AKAP13: variants seen among roughly 807,000 people sequenced by gnomAD.
AKAP13 encodes A-kinase anchoring protein 13.
A neutral mutation model predicts 264.5 loss-of-function variants in AKAP13; 80 were observed. The observed-to-expected ratio is 0.30, with a 90% confidence interval of 0.25 to 0.36. AKAP13 has a LOEUF of 0.36. AKAP13 is among the 10% of genes least tolerant of loss of function. AKAP13 has a pLI of 1.00. For missense variants in AKAP13, 3,712 were observed against 3,435.2 expected (o/e 1.08, Z -2.01); for synonymous variants, 1,380 against 1,250.2 (o/e 1.10, Z -2.19).
chr15:85,494,231 C>T (rs1342709675), intron 2 of AKAP13, among the ~76,000 whole-genome samples: 1 of 152,168 alleles, frequency 6.6e-6, no homozygotes, highest in Non-Finnish European at 1.5e-5. Flanking sequence ...CCTACTGGAT[C>T]TAGCAACCTA....
intron 3 of AKAP13, among the ~76,000 whole-genome samples, chr15:85,522,589 G>A (rs546848294): frequency 1.2e-4 from 18 of 152,224 alleles, no homozygotes; most frequent in African/African-American, 3.6e-4. Context: ...GTTTGTACCA[G>A]ATCCTTGTAC....
rs566378801 is a variant in AKAP13, at chr15:85,473,922, C to G, written c.-11-11788C>G. Among the ~76,000 whole-genome samples, 5 of 152,290 alleles carry G rather than the reference C, an allele frequency of 3.3e-5. No individual in the cohort carries two copies. In the East Asian group the frequency reaches 9.6e-4, roughly 29 times the overall value. On this transcript the variant is annotated intron_variant, in intron 1 of 36. Coordinates refer to ENST00000394518, the MANE Select transcript of AKAP13 (RefSeq NM_007200.5). ...TAATCCAGTAAACAGGCATACCTGA[C>G]TTGGGATAAGCAACAAGAAAAAAAT...
chr15:85,562,523 C>CCACT (rs1761657096), intron 5 of AKAP13, among the ~76,000 whole-genome samples: 1 of 139,228 alleles, frequency 7.2e-6, no homozygotes, highest in African/African-American at 2.7e-5. Context: ...TGAGATCGTG[C>CCACT]CACTGCACTC....
chr15:85,593,627 A>T (rs1826884806), intron 8 of AKAP13, among the ~76,000 whole-genome samples: 1 of 151,514 alleles, frequency 6.6e-6, no homozygotes, highest in African/African-American at 2.4e-5. Context: ...GTTCTGGGAT[A>T]TTAAAATCAA....
chr15:85,646,042 C>T (rs537794117), intron 10 of AKAP13, 88 bp downstream of exon 10: 12 of 1,499,778 alleles, frequency 8.0e-6, no homozygotes, highest in Middle Eastern at 4.4e-4. Context: ...CTTTTTCCCC[C>T]TCTTGTGCTC....
Position 85,740,999 on chromosome 15 carries a change from T to G in AKAP13, c.7609-47T>G, listed in dbSNP as rs549779559. On this transcript the variant is annotated intron_variant, in intron 34 of 36. Coordinates refer to ENST00000394518, the MANE Select transcript of AKAP13 (RefSeq NM_007200.5). ...GGTCGGGAGGGATCCAGAAGCTCGCTGTCGTCCTGGCCAGAGTTGCAGGGC... is the reference window on the plus strand; with the variant it reads ...GGTCGGGAGGGATCCAGAAGCTCGCGGTCGTCCTGGCCAGAGTTGCAGGGC... The G allele has an allele frequency of 5.8e-6, 9 of 1,556,878 alleles. No individual in the cohort carries two copies. The African/African-American group carries it at 9.5e-5, about 16-fold the overall frequency.
In AKAP13 at chr15:85,718,775, C is replaced by G; in HGVS notation, c.6002-301C>G. ...ATCAGCCAGGCGTGATGGCATGTACCTGCAGCCCCAGCTGCTCGAGAGGCT... is the reference window on the plus strand; with the variant it reads ...ATCAGCCAGGCGTGATGGCATGTACGTGCAGCCCCAGCTGCTCGAGAGGCT... On this transcript the variant is annotated intron_variant, in intron 22 of 36. Transcript: ENST00000394518. The surrounding 1 kb of genome is among the most constrained non-coding windows in gnomAD (Gnocchi z 4.9). 3.0e-6 allele frequency: 1 copy of G among 336,606 alleles called. No individual in the cohort carries two copies. The highest frequency in any genetic ancestry group is 2.9e-5 in the South Asian group (1 of 34,914). The allele number at this position is 336,606 out of a possible 1,614,324, so 20.9% of individuals were successfully genotyped here. A position where few individuals can be genotyped will look rare whatever the true frequency, so the allele number is the denominator to read the frequency against.
intron 8 of AKAP13, among the ~76,000 whole-genome samples, chr15:85,637,697 G>T (rs1201586647): frequency 6.6e-6 from 1 of 151,860 alleles, no homozygotes; most frequent in Non-Finnish European, 1.5e-5. Flanking sequence ...AGTTTCATAA[G>T]GTAGAAGTTT....
At chr15:85,585,556 C>T (rs1596608044) in intron 7 of AKAP13, 146 bp from the exon 8 acceptor site, 2 of 1,148,826 alleles carry the variant, frequency 1.7e-6, no homozygotes, top group Non-Finnish European at 2.5e-6. Context: ...TCAGAAATGA[C>T]ACTAGCCGCT....
intron 10 of AKAP13, among the ~76,000 whole-genome samples, chr15:85,653,494 T>C (rs1026017852): frequency 8.5e-5 from 13 of 152,218 alleles, no homozygotes; most frequent in African/African-American, 2.4e-4. Context: ...AAGAAAGCCT[T>C]CTTATTAGCT....
At chr15:85,433,932 C>G (rs183393691) in intron 1 of AKAP13, among the ~76,000 whole-genome samples, 1 of 136,864 alleles carries the variant, frequency 7.3e-6, no homozygotes, top group African/African-American at 2.9e-5. Flanking sequence ...CAGAGCGAGA[C>G]TCTGTCTCAA....
At chr15:85,703,871 T>C (rs563058754) in intron 17 of AKAP13, among the ~76,000 whole-genome samples, 136 of 149,688 alleles carry the variant, frequency 9.1e-4, no homozygotes, top group East Asian at 6.2e-3. Flanking sequence ...TATATATATA[T>C]ACACACACAT....
At chr15:85,654,328 T>G (rs1223825813) in intron 10 of AKAP13, among the ~76,000 whole-genome samples, 1 of 152,216 alleles carries the variant, frequency 6.6e-6, no homozygotes, top group Non-Finnish European at 1.5e-5. Context: ...ACAGACTTCC[T>G]TTTGGAATAT....
intron 14 of AKAP13, among the ~76,000 whole-genome samples, chr15:85,670,078 T>C (rs770519910): frequency 2.6e-5 from 4 of 152,198 alleles, no homozygotes; most frequent in Non-Finnish European, 5.9e-5. Context: ...TGACACACTT[T>C]TTAAAATTTT....
intron 21 of AKAP13, 129 bp downstream of exon 21, chr15:85,717,531 G>T (rs1384722813): frequency 7.3e-6 from 5 of 687,400 alleles, no homozygotes; most frequent in South Asian, 5.3e-5. Flanking sequence ...TCTCTAAATT[G>T]TCAGTAAAGT....
At chr15:85,485,022 A>G (rs971754985) in intron 1 of AKAP13, among the ~76,000 whole-genome samples, 7 of 152,296 alleles carry the variant, frequency 4.6e-5, no homozygotes, top group Middle Eastern at 3.4e-3. Flanking sequence ...TACCCTTCTG[A>G]GCATTTATAG....
chr15:85,647,851 C>T (rs531730924), intron 10 of AKAP13, among the ~76,000 whole-genome samples: 2 of 152,196 alleles, frequency 1.3e-5, no homozygotes, highest in South Asian at 4.2e-4. Flanking sequence ...TGGCGTGAAC[C>T]CGGGAGGCGG....
chr15:85,520,171 T>A (rs1372180651), intron 2 of AKAP13, among the ~76,000 whole-genome samples: 11 of 150,204 alleles, frequency 7.3e-5, no homozygotes, highest in Non-Finnish European at 1.2e-4. Flanking sequence ...GGCCTTGATT[T>A]AAAAAAAAAA....
chr15:85,381,211 G>C (rs188784531), intron 1 of AKAP13, among the ~76,000 whole-genome samples: 1 of 152,218 alleles, frequency 6.6e-6, no homozygotes, highest in East Asian at 1.9e-4. Flanking sequence ...CCCCTGGGGC[G>C]GGCGGCCGCG....
Sources: allele counts gnomAD v4.1 joint callset (sites outside exome capture counted in the v4.1 genomes callset), GRCh38; gene constraint gnomAD v4.1.1; non-coding constraint Gnocchi (gnomAD v3.1); transcripts MANE v1.5; gene names NCBI Gene and HGNC (gene_info 2026-07-23, HGNC 2026-07-21).